TMEM132C: variants seen among roughly 807,000 people sequenced by gnomAD.
TMEM132C encodes transmembrane protein 132C.
A neutral mutation model predicts 61.4 loss-of-function variants in TMEM132C; 29 were observed. The ratio of observed to expected loss-of-function variants is 0.47; its 90% CI spans 0.35 to 0.64. The LOEUF (loss-of-function observed/expected upper bound fraction) is 0.64. TMEM132C is among the 30% of genes least tolerant of loss of function. The pLI is 0.00. For missense variants in TMEM132C, 1,408 were observed against 1,476.9 expected (o/e 0.95, Z 0.76); for synonymous variants, 656 against 633.1 (o/e 1.04, Z -0.54).
chr12:128,458,278 T>C (rs1054158893), intron 2 of TMEM132C, among the ~76,000 whole-genome samples: 1 of 101,576 alleles, frequency 9.8e-6, no homozygotes, highest in Non-Finnish European at 1.9e-5. Context: ...ATAATTATAA[T>C]ATTTAGTATT....
At chr12:128,320,026 A>T (rs1352974802) in intron 1 of TMEM132C, among the ~76,000 whole-genome samples, 1 of 152,088 alleles carries the variant, frequency 6.6e-6, no homozygotes, top group Non-Finnish European at 1.5e-5. Context: ...ATTGAAAAAG[A>T]AAGAAAGAAA....
intron 1 of TMEM132C, among the ~76,000 whole-genome samples, chr12:128,367,468 C>A (rs1873904568): frequency 6.6e-6 from 1 of 152,158 alleles, no homozygotes; most frequent in Non-Finnish European, 1.5e-5. Flanking sequence ...GGTTGGAAAA[C>A]AATAGTGAGG....
chr12:128,324,391 A>G (rs1565901296), intron 1 of TMEM132C, among the ~76,000 whole-genome samples: 1 of 152,120 alleles, frequency 6.6e-6, no homozygotes, highest in Non-Finnish European at 1.5e-5. Context: ...CTTTCTGCCA[A>G]TTTTTCTTAA....
At chr12:128,580,915 G>A (rs1026074299) in intron 3 of TMEM132C, among the ~76,000 whole-genome samples, 2 of 152,108 alleles carry the variant, frequency 1.3e-5, no homozygotes, top group African/African-American at 4.8e-5. Flanking sequence ...ATATTTAGTG[G>A]CATTCATGGC....
chr12:128,371,311 C>G (rs544339188), intron 1 of TMEM132C, among the ~76,000 whole-genome samples: 1 of 152,110 alleles, frequency 6.6e-6, no homozygotes, highest in Admixed American at 6.5e-5. Context: ...AAGTCAAGTG[C>G]AACTGACTTC....
chr12:128,276,141 C>T (rs1870682182), intron 1 of TMEM132C, among the ~76,000 whole-genome samples: 1 of 152,268 alleles, frequency 6.6e-6, no homozygotes, highest in East Asian at 1.9e-4. Flanking sequence ...GACATATTCA[C>T]AGGTTCTAAG....
chr12:128,695,840 G>A lies in TMEM132C; in HGVS notation c.1666G>A (p.Glu556Lys). 1 of 1,545,222 alleles carries A rather than the reference G, an allele frequency of 6.5e-7. No homozygotes were observed. Among genetic ancestry groups the A allele is most frequent in the Non-Finnish European group, 8.8e-7 (1 of 1,142,792 alleles). Residue 556 changes from glutamate to lysine, a missense_variant, in exon 7 of 9, where the codon GAG becomes AAG. Transcript: ENST00000435159. ...PIVTNKRPTR[E>K]SEDEDEEERR... is the part of the protein sequence containing the mutation. Reference sequence around the variant, plus strand: ...GTCCCTTCCCACAAGGCCCACTCGTGAGAGCGAGGATGAGGACGAGGAGGA... The same window carrying A: ...GTCCCTTCCCACAAGGCCCACTCGTAAGAGCGAGGATGAGGACGAGGAGGA...
chr12:128,302,106 C>T (rs576521160), intron 1 of TMEM132C, among the ~76,000 whole-genome samples: 1 of 152,160 alleles, frequency 6.6e-6, no homozygotes, highest in Admixed American at 6.5e-5. Context: ...GGGACACAGC[C>T]AAACCACATC....
At chr12:128,571,129 G>C (rs540519354) in intron 3 of TMEM132C, among the ~76,000 whole-genome samples, 1 of 152,212 alleles carries the variant, frequency 6.6e-6, no homozygotes, top group East Asian at 1.9e-4. Flanking sequence ...ACCAGACAAG[G>C]CCAAAAAAAT....
intron 1 of TMEM132C, among the ~76,000 whole-genome samples, chr12:128,387,583 G>A (rs905099776): frequency 3.3e-5 from 5 of 152,074 alleles, no homozygotes; most frequent in African/African-American, 7.2e-5. Context: ...AGGCCGAGGC[G>A]GGTGGATCAC....
At chr12:128,341,438 G>A (rs1037177701) in intron 1 of TMEM132C, among the ~76,000 whole-genome samples, 1 of 152,162 alleles carries the variant, frequency 6.6e-6, no homozygotes, top group Non-Finnish European at 1.5e-5. Flanking sequence ...ATCTCCCAAG[G>A]TGTTTTATTT....
chr12:128,682,185 C>T (rs188246861), intron 5 of TMEM132C, among the ~76,000 whole-genome samples: 1 of 152,240 alleles, frequency 6.6e-6, no homozygotes, highest in Non-Finnish European at 1.5e-5. Flanking sequence ...GGCGGAGCTT[C>T]AGCCAAACCT....
chr12:128,365,580 G>A (rs1030105470), intron 1 of TMEM132C, among the ~76,000 whole-genome samples: 3 of 152,040 alleles, frequency 2.0e-5, no homozygotes, highest in East Asian at 3.9e-4. Context: ...TCTTAGAGCC[G>A]GAAAGCATAT....
chr12:128,291,117 C>T (rs1233106072), intron 1 of TMEM132C, among the ~76,000 whole-genome samples: 7 of 152,174 alleles, frequency 4.6e-5, no homozygotes, highest in African/African-American at 9.7e-5. Context: ...CCGAGCAGCA[C>T]AGGAATCCCC....
intron 4 of TMEM132C, among the ~76,000 whole-genome samples, chr12:128,622,360 A>AAAAAAAAATAT (rs1277080166): frequency 3.7e-4 from 11 of 30,118 alleles, no homozygotes; most frequent in African/African-American, 8.2e-4. Context: ...AAAAAAAAAA[A>AAAAAAAAATAT]ATATATATAT....
chr12:128,347,497 C>T (rs1288735061), intron 1 of TMEM132C, among the ~76,000 whole-genome samples: 2 of 151,604 alleles, frequency 1.3e-5, no homozygotes, highest in Non-Finnish European at 2.9e-5. Context: ...GGTGCAATCT[C>T]GGCTCACCAC....
chr12:128,312,659 A>G (rs1293948505), intron 1 of TMEM132C, among the ~76,000 whole-genome samples: 3 of 152,222 alleles, frequency 2.0e-5, no homozygotes, highest in Admixed American at 2.0e-4. Flanking sequence ...AACAGCCATC[A>G]GGAACTGGGA....
chr12:128,334,385 C>T (rs1872741617), intron 1 of TMEM132C, among the ~76,000 whole-genome samples: 2 of 152,184 alleles, frequency 1.3e-5, no homozygotes, highest in African/African-American at 4.8e-5. Flanking sequence ...TGTGCATTCT[C>T]ATTCCTCAGT....
At chr12:128,508,859 ATGTCATGTCATGTCG>A (rs1278728306) in intron 2 of TMEM132C, among the ~76,000 whole-genome samples, 1 of 152,094 alleles carries the variant, frequency 6.6e-6, no homozygotes, top group African/African-American at 2.4e-5. Context: ...ATATCATATC[ATGTCATGTCATGTCG>A]TGTCATGTCA....
Sources: gnomAD v4.1 joint callset for allele counts (sites outside exome capture counted in the v4.1 genomes callset) on GRCh38, gnomAD v4.1.1 for gene constraint, MANE v1.5 for transcripts, NCBI Gene and HGNC (gene_info 2026-07-23, HGNC 2026-07-21) for gene names.